Variants in HERC1 observed in about 807,000 individuals in gnomAD.
HERC1 encodes HECT and RLD domain containing E3 ubiquitin protein ligase family member 1, also known as probable E3 ubiquitin-protein ligase HERC1.
Under a neutral mutation model 554.3 loss-of-function variants are expected in HERC1, and 160 were observed. The observed-to-expected ratio is 0.29, with a 90% CI of 0.25 to 0.33. The LOEUF (loss-of-function observed/expected upper bound fraction) is 0.33, where lower values mean the gene tolerates loss of function less well. Among genes scored for constraint, HERC1 ranks in the 10% least tolerant of loss-of-function variants. The pLI is 1.00. For missense variants in HERC1, 4,919 were observed against 5,918.5 expected (o/e 0.83, Z 5.54); for synonymous variants, 2,175 against 2,131.7 (o/e 1.02, Z -0.56).
At position 63,636,279 on chromosome 15, in the gene HERC1, T is replaced by A. The variant is rs2068774379; in HGVS notation, c.12233-137A>T. 9 of 781,054 alleles carry A rather than the reference T, an allele frequency of 1.2e-5. No individual in the cohort carries two copies. The East Asian group carries it at 2.6e-4, about 22-fold the overall frequency. 48.4% of individuals were successfully genotyped at this position (781,054 alleles called of 1,614,324 possible). A position where few individuals can be genotyped will look rare whatever the true frequency, so the allele number is the denominator to read the frequency against. ...AATAAGAATAATTTCATTAGTTTTT[T>A]TTTTTTTTTTAGATGGAGTCTCACT... On this transcript the variant is annotated intron_variant, in intron 64 of 77. Transcript: ENST00000443617.
chr15:63,620,148 T>C (rs1049222088), intron 74 of HERC1, among the ~76,000 whole-genome samples: 12 of 152,338 alleles, frequency 7.9e-5, no homozygotes, highest in East Asian at 3.9e-4. Flanking sequence ...TAAATTTCCC[T>C]CTACACACTG....
In HERC1 at chr15:63,643,505, G is replaced by A. The variant is rs529584007; in HGVS notation, c.11230C>T (p.Arg3744Trp). The A allele has an allele frequency of 4.3e-6, 7 of 1,609,254 alleles. No homozygotes were observed. The highest frequency in any genetic ancestry group is 4.5e-5 in the East Asian group (2 of 44,744). ...SSGAKCVYQL[R>W]GHITPVRTVA... ...GTCCGAACAGGAGTGATGTGTCCCC[G>A]CAGCTGATAAACACACTTGGCTCCT... The change falls in exon 58 of 78, where the codon CGG (arginine) becomes TGG (tryptophan). Residue 3744 changes from arginine to tryptophan, a missense_variant. Physicochemically the swap from Arg to Trp is moderately radical, Grantham distance 101. This residue lies in a region of HERC1 where 1,963 missense variants were observed against 2,228.6 expected (regional missense o/e 0.88). Transcript: ENST00000443617.
rs764360155 is a variant in HERC1 at position 63,713,648 on chromosome 15, G to A, written c.4168C>T (p.Leu1390Phe). The A allele has an allele frequency of 6.8e-6, 11 of 1,610,174 alleles. No individual in the cohort carries two copies. The highest frequency in any genetic ancestry group is 9.3e-6 in the Non-Finnish European group (11 of 1,177,992). Residue 1390 changes from leucine (L) to phenylalanine (F), a missense_variant, in exon 23 of 78, where the codon CTC becomes TTC. By Grantham distance (22) the Leu-to-Phe change is conservative. Transcript: ENST00000443617. ...CTACGAGCTACTTCACGGGCTGAGA[G>A]GAAACACTGAAAGATTTCTGTAACA... ...MTAGKIFQCF[L>F]SAREVARSRD...
chr15:63,789,661 T>C (rs963902038), intron 1 of HERC1, among the ~76,000 whole-genome samples: 29 of 151,588 alleles, frequency 1.9e-4, no homozygotes, highest in Non-Finnish European at 3.4e-4. Context: ...AGCTAGGCGT[T>C]GTGGCGGGCA....
intron 70 of HERC1, among the ~76,000 whole-genome samples, chr15:63,627,310 C>T (rs2068341720): frequency 6.6e-6 from 1 of 152,094 alleles, no homozygotes; most frequent in African/African-American, 2.4e-5. Flanking sequence ...CTCTTAGGCA[C>T]AATGTTGCTT....
chr15:63,669,538 C>T lies in HERC1; in HGVS notation c.8206G>A (p.Ala2736Thr). The T allele has an allele frequency of 6.2e-7, 1 of 1,613,632 alleles. No homozygotes were observed. Among genetic ancestry groups the T allele is most frequent in the Non-Finnish European group, 8.5e-7 (1 of 1,179,598 alleles). The change falls in exon 40 of 78, where the codon GCC (alanine) becomes ACC (threonine). Residue 2736 changes from alanine (A) to threonine (T), a missense_variant and splice_region_variant. By Grantham distance (58) the Ala-to-Thr change is moderately conservative (BLOSUM62 0). Transcript: ENST00000443617. ...TCATAGTGCATATCAGCACACGCAC[C>T]TGTGCGGTTAGCTGGCCTTGCTGAC... ...SQSARPANRT[A>T]LSDPSSRLST... is the part of the protein sequence containing the mutation.
intron 55 of HERC1, among the ~76,000 whole-genome samples, chr15:63,647,278 G>GAA (rs146393826): frequency 8.8e-4 from 125 of 142,158 alleles, no homozygotes; most frequent in Non-Finnish European, 1.4e-3. Flanking sequence ...TACATTAAAA[G>GAA]AAAAAAAAAA....
Position 63,764,145 on chromosome 15 carries a change from G to A in HERC1, c.977C>T (p.Ser326Leu), listed in dbSNP as rs370923299. 1.6e-5 allele frequency: 25 copies of A among 1,611,184 alleles called. No homozygotes were observed. The Admixed American group carries it at 2.9e-4, about 18-fold the overall frequency. The change falls in exon 3 of 78, where the codon TCG becomes TTG. Residue 326 changes from serine to leucine, a missense_variant. By Grantham distance (145) the Ser-to-Leu change is moderately radical. Coordinates refer to ENST00000443617, the MANE Select transcript of HERC1 (RefSeq NM_003922.4). The part of the protein sequence containing the change: ...RSQWREPTRT[S>L]DGLCSLYEAA... ...CTCGTAAAGGGAGCACAAGCCATCC[G>A]ATGTTCTGGTTGGTTCTCTCCACTG...
At chr15:63,666,247 T>G (rs913403786) in intron 41 of HERC1, 97 bp from the exon 42 acceptor site, 3 of 1,374,924 alleles carry the variant, frequency 2.2e-6, no homozygotes, top group Admixed American at 2.3e-5. Context: ...TAACAAAATA[T>G]AGTGTTAAAA....
chr15:63,826,887 T>C (rs371180338), intron 1 of HERC1, among the ~76,000 whole-genome samples: 9 of 138,122 alleles, frequency 6.5e-5, no homozygotes, highest in East Asian at 4.5e-4. Context: ...ACATTACTGG[T>C]GAGAATGCAA....
At position 63,692,448 on chromosome 15, in the gene HERC1, T is replaced by C; in HGVS notation, c.5793A>G (p.Glu1931=). ...TCTGAGATGCTATATTTAGAAGCACTTCGGTCCACTTTGGGGAAGCCATTT... is the reference window on the plus strand; with the variant it reads ...TCTGAGATGCTATATTTAGAAGCACCTCGGTCCACTTTGGGGAAGCCATTT... The part of the protein sequence containing the change: ...QSKMASPKWT[E]VLLNIASQKC... The change falls in exon 31 of 78, where the codon GAA becomes GAG. Residue 1931 remains glutamate (E), a synonymous_variant. Coordinates refer to ENST00000443617, the MANE Select transcript of HERC1 (RefSeq NM_003922.4). The surrounding 1 kb of genome is among the most constrained non-coding windows in gnomAD (Gnocchi z 4.7). 6.2e-7 allele frequency: 1 copy of C among 1,612,174 alleles called. No individual in the cohort carries two copies. Among genetic ancestry groups the C allele is most frequent in the Non-Finnish European group, 8.5e-7 (1 of 1,179,422 alleles).
chr15:63,744,164 G>GTGTGTGTGTGTCTCTCTCTCTC, intron 12 of HERC1, among the ~76,000 whole-genome samples: 1 of 46,222 alleles, frequency 2.2e-5, no homozygotes, highest in East Asian at 4.9e-4. Flanking sequence ...GTGTGTGTGT[G>GTGTGTGTGTGTCTCTCTCTCTC]TCTCTCTCTC....
intron 1 of HERC1, chr15:63,779,741 C>A (rs1381663131): frequency 3.9e-5 from 6 of 152,126 alleles, no homozygotes; most frequent in Non-Finnish European, 8.8e-5. Context: ...TCAGGCCAGG[C>A]ACGGTGGCTC....
rs751164366 is a variant in HERC1 at position 63,725,552 on chromosome 15, T to C, written c.3347-39A>G. 14 of 1,517,246 alleles carry C rather than the reference T, an allele frequency of 9.2e-6. No individual in the cohort carries two copies. In the Admixed American group the frequency reaches 1.0e-4, roughly 11 times the overall value. 94.0% of individuals were successfully genotyped at this position (1,517,246 alleles called of 1,614,324 possible). ...CATTAGTTATTGTGTCTTTATCTGG[T>C]ACTTTTAAGATTCAAAATATTTCTC... On this transcript the variant is annotated intron_variant, in intron 17 of 77. Transcript: ENST00000443617.
chr15:63,691,509 G>T (rs1434465554), intron 31 of HERC1, among the ~76,000 whole-genome samples: 1 of 151,510 alleles, frequency 6.6e-6, no homozygotes. Context: ...ATCCAAGGTA[G>T]AAAATAGGAT....
At chr15:63,663,441 C>T (rs1314026049) in intron 43 of HERC1, among the ~76,000 whole-genome samples, 1 of 152,016 alleles carries the variant, frequency 6.6e-6, no homozygotes, top group Non-Finnish European at 1.5e-5. Flanking sequence ...AGAATCCATG[C>T]GATGCTTTAT....
intron 34 of HERC1, among the ~76,000 whole-genome samples, chr15:63,681,360 C>T (rs529896414): frequency 5.7e-4 from 87 of 152,192 alleles, no homozygotes; most frequent in Middle Eastern, 3.4e-3. Context: ...CACCATCATG[C>T]CTGGCTAGTT....
chr15:63,750,086 A>C (rs2075184634), intron 8 of HERC1, among the ~76,000 whole-genome samples: 1 of 152,210 alleles, frequency 6.6e-6, no homozygotes, highest in African/African-American at 2.4e-5. Flanking sequence ...GCAATTTGTT[A>C]TATTTGCCCC....
chr15:63,665,857 T>C (rs1362708929), intron 42 of HERC1, 62 bp downstream of exon 42: 2 of 1,227,764 alleles, frequency 1.6e-6, no homozygotes, highest in Non-Finnish European at 1.2e-6. Context: ...ACGGGATATA[T>C]AATAAATGGG....
Sources: allele counts gnomAD v4.1 joint callset (sites outside exome capture counted in the v4.1 genomes callset), GRCh38; gene constraint gnomAD v4.1.1; regional missense constraint gnomAD v4.1.1; non-coding constraint Gnocchi (gnomAD v3.1); transcripts MANE v1.5; gene names NCBI Gene and HGNC (gene_info 2026-07-23, HGNC 2026-07-21).